INPP4B: variants seen among roughly 807,000 people sequenced by gnomAD.
INPP4B encodes inositol polyphosphate-4-phosphatase type II B.
In INPP4B, 55 loss-of-function variants were observed where a neutral mutation model predicts 122.5. The observed-to-expected ratio is 0.45, with a 90% CI of 0.36 to 0.56. The LOEUF is 0.56. INPP4B is among the 20% of genes least tolerant of loss of function. INPP4B has a pLI of 0.00. For synonymous variants in INPP4B, 403 were observed against 388.7 expected (o/e 1.04, Z -0.43); for missense variants, 1,000 against 1,097.7 (o/e 0.91, Z 1.26).
At chr4:142,056,507 G>C (rs981726646) in intron 25 of INPP4B, among the ~76,000 whole-genome samples, 1 of 152,030 alleles carries the variant, frequency 6.6e-6, no homozygotes, top group Non-Finnish European at 1.5e-5. Context: ...AATATAACAA[G>C]GTGTTGTGGT....
chr4:142,042,522 GTATGTATGTATGTA>G (rs1560914476), intron 25 of INPP4B, among the ~76,000 whole-genome samples: 22 of 36,948 alleles, frequency 6.0e-4, no homozygotes, highest in African/African-American at 1.0e-3. Flanking sequence ...GTGTGTGTAT[GTATGTATGTATGTA>G]TGTATGTATG....
intron 1 of INPP4B, among the ~76,000 whole-genome samples, chr4:142,777,033 C>T (rs1025693674): frequency 4.6e-5 from 7 of 152,150 alleles, no homozygotes; most frequent in African/African-American, 1.7e-4. Flanking sequence ...AGTTTCCCTG[C>T]TGCCTTCTTT....
intron 7 of INPP4B, among the ~76,000 whole-genome samples, chr4:142,384,795 G>C (rs879381437): frequency 2.0e-5 from 3 of 152,044 alleles, no homozygotes; most frequent in African/African-American, 4.8e-5. Context: ...ATTAAGCCTA[G>C]TACCCAATAG....
intron 25 of INPP4B, among the ~76,000 whole-genome samples, chr4:142,081,173 A>C (rs1235229562): frequency 6.6e-6 from 1 of 152,192 alleles, no homozygotes; most frequent in African/African-American, 2.4e-5. Flanking sequence ...GAAAACTGAT[A>C]GCTAATGGCA....
At chr4:142,135,832 T>C (rs1803860730) in intron 18 of INPP4B, among the ~76,000 whole-genome samples, 2 of 152,316 alleles carry the variant, frequency 1.3e-5, no homozygotes, top group Middle Eastern at 3.4e-3. Context: ...AGTCTTGCTC[T>C]GTCGCCCAGG....
At chr4:142,670,006 C>A (rs980035981) in intron 2 of INPP4B, among the ~76,000 whole-genome samples, 2 of 152,110 alleles carry the variant, frequency 1.3e-5, no homozygotes, top group African/African-American at 4.8e-5. Context: ...AGCTGGTGGT[C>A]AAGTATAGTC....
intron 3 of INPP4B, among the ~76,000 whole-genome samples, chr4:142,440,390 G>A (rs562655473): frequency 1.3e-5 from 2 of 152,200 alleles, no homozygotes; most frequent in Non-Finnish European, 2.9e-5. Flanking sequence ...GAAGGGGAGA[G>A]TCCTGGCAAT....
intron 1 of INPP4B, among the ~76,000 whole-genome samples, chr4:142,738,990 T>C (rs1477653736): frequency 6.6e-6 from 1 of 152,084 alleles, no homozygotes; most frequent in Non-Finnish European, 1.5e-5. Flanking sequence ...CCTGAAGAAG[T>C]TCCAGAAAGA....
chr4:142,648,678 G>A (rs555817811), intron 2 of INPP4B, among the ~76,000 whole-genome samples: 112 of 152,336 alleles, frequency 7.4e-4, no homozygotes, highest in African/African-American at 2.6e-3. Flanking sequence ...AGCTCAAACT[G>A]GGCTGGGCGG....
At chr4:142,407,325 GC>G (rs1803635821) in intron 5 of INPP4B, among the ~76,000 whole-genome samples, 2 of 151,978 alleles carry the variant, frequency 1.3e-5, no homozygotes, top group Non-Finnish European at 2.9e-5. Context: ...TCTGCTTGTA[GC>G]CCCATCTTTT....
chr4:142,368,590 A>G (rs183310261), intron 7 of INPP4B, among the ~76,000 whole-genome samples: 56 of 152,288 alleles, frequency 3.7e-4, no homozygotes, highest in Middle Eastern at 3.4e-3. Context: ...TCAAAGGCAT[A>G]TCAGTTAAGG....
At chr4:142,075,676 A>C (rs1471975365) in intron 25 of INPP4B, among the ~76,000 whole-genome samples, 1 of 152,036 alleles carries the variant, frequency 6.6e-6, no homozygotes, top group African/African-American at 2.4e-5. Flanking sequence ...GAGAGTGTAG[A>C]GAGCAAGGGT....
chr4:142,775,560 A>T (rs1171876793), intron 1 of INPP4B, among the ~76,000 whole-genome samples: 2 of 110,174 alleles, frequency 1.8e-5, no homozygotes, highest in Non-Finnish European at 3.3e-5. Flanking sequence ...CTTTTAATGG[A>T]GATGGGGTCT....
At chr4:142,506,963 G>A (rs910620714) in intron 2 of INPP4B, among the ~76,000 whole-genome samples, 1 of 152,076 alleles carries the variant, frequency 6.6e-6, no homozygotes, top group African/African-American at 2.4e-5. Flanking sequence ...CTTATTGACT[G>A]GTAACTTAAG....
At chr4:142,194,004 A>G (rs1216882534) in intron 14 of INPP4B, among the ~76,000 whole-genome samples, 4 of 152,186 alleles carry the variant, frequency 2.6e-5, no homozygotes, top group Admixed American at 6.6e-5. Context: ...ACCTAATTTC[A>G]TAGTAGATCC....
At chr4:142,086,707 G>A (rs1480780764) in intron 23 of INPP4B, among the ~76,000 whole-genome samples, 2 of 152,136 alleles carry the variant, frequency 1.3e-5, no homozygotes, top group African/African-American at 4.8e-5. Context: ...GGTGTCTGAG[G>A]ACAACCATAC....
chr4:142,493,699 CTT>C (rs1822166729), intron 2 of INPP4B, among the ~76,000 whole-genome samples: 1 of 152,120 alleles, frequency 6.6e-6, no homozygotes, highest in African/African-American at 2.4e-5. Flanking sequence ...AACTAAGTTG[CTT>C]TGATTTTACA....
chr4:142,138,793 CTAAG>C (rs1806125814), intron 18 of INPP4B, among the ~76,000 whole-genome samples: 1 of 152,158 alleles, frequency 6.6e-6, no homozygotes, highest in Admixed American at 6.5e-5. Context: ...TGTGAGTGTA[CTAAG>C]TGTCAGCTAT....
chr4:142,806,471 G>C (rs1474959556), intron 1 of INPP4B, among the ~76,000 whole-genome samples: 1 of 151,830 alleles, frequency 6.6e-6, no homozygotes, highest in African/African-American at 2.4e-5. Context: ...CCAGGAACAG[G>C]TGGCTCACGC....
Sources: gnomAD v4.1 joint callset for allele counts (sites outside exome capture counted in the v4.1 genomes callset) on GRCh38, gnomAD v4.1.1 for gene constraint, MANE v1.5 for transcripts, NCBI Gene and HGNC (gene_info 2026-07-23, HGNC 2026-07-21) for gene names.